SPOP: variants seen among roughly 807,000 people sequenced by gnomAD.
SPOP encodes the protein speckle type BTB/POZ protein, also known as speckle-type POZ protein.
SPOP carries 11 observed loss-of-function variants against 45.6 expected under a neutral mutation model. That is an observed-to-expected ratio of 0.24 (90% CI 0.15 to 0.40). The LOEUF (loss-of-function observed/expected upper bound fraction) is 0.40, where lower values mean the gene tolerates loss of function less well. SPOP is among the 10% of genes least tolerant of loss of function. SPOP has a pLI of 1.00. For missense variants in SPOP, 152 were observed against 465.6 expected (o/e 0.33, Z 6.20); for synonymous variants, 166 against 166.3 (o/e 1.00, Z 0.01).
chr17:49,614,671 A>T (rs1448970130), intron 5 of SPOP, among the ~76,000 whole-genome samples: 1 of 152,126 alleles, frequency 6.6e-6, no homozygotes, highest in Admixed American at 6.5e-5. Flanking sequence ...GTCAAGAACA[A>T]GCAAATATTG....
intron 1 of SPOP, among the ~76,000 whole-genome samples, chr17:49,676,864 TC>T (rs1320172107): frequency 3.9e-5 from 6 of 152,262 alleles, no homozygotes; most frequent in African/African-American, 1.4e-4. Context: ...TATTTACATT[TC>T]TTTTTGTTAT....
At chr17:49,647,480 T>TAA (rs1175240415) in intron 1 of SPOP, among the ~76,000 whole-genome samples, 2 of 152,032 alleles carry the variant, frequency 1.3e-5, no homozygotes, top group Non-Finnish European at 2.9e-5. Flanking sequence ...TTTTTTAAAT[T>TAA]TTTTTATTTC....
chr17:49,642,070 G>A (rs76888881), intron 1 of SPOP, among the ~76,000 whole-genome samples: 9,044 of 151,660 alleles, frequency 0.06, 437 homozygotes, highest in Non-Finnish European at 0.086. Context: ...CAATGCCATT[G>A]AGGGCACAAA....
chr17:49,629,002 G>A (rs1215158287), intron 1 of SPOP, among the ~76,000 whole-genome samples: 2 of 152,126 alleles, frequency 1.3e-5, no homozygotes, highest in Non-Finnish European at 2.9e-5. Context: ...CCAGTACTTT[G>A]GGAGCCCGAG....
intron 1 of SPOP, among the ~76,000 whole-genome samples, chr17:49,676,802 C>T (rs1235609387): frequency 1.3e-5 from 2 of 152,222 alleles, no homozygotes; most frequent in African/African-American, 2.4e-5. Context: ...TAATCGCTAA[C>T]TGAAAACCCA....
chr17:49,643,232 T>C (rs538149337), intron 1 of SPOP, among the ~76,000 whole-genome samples: 201 of 152,126 alleles, frequency 1.3e-3, no homozygotes, highest in Non-Finnish European at 2.5e-3. Flanking sequence ...TAGAGAAGAG[T>C]AACAGTTTTC....
At chr17:49,616,329 A>G (rs2072085676) in intron 5 of SPOP, among the ~76,000 whole-genome samples, 2 of 152,176 alleles carry the variant, frequency 1.3e-5, no homozygotes, top group Admixed American at 1.3e-4. Context: ...TTATTGTATC[A>G]GGATGAGAAT....
intron 1 of SPOP, among the ~76,000 whole-genome samples, chr17:49,643,014 T>A (rs2072687957): frequency 6.6e-6 from 1 of 152,248 alleles, no homozygotes; most frequent in Admixed American, 6.5e-5. Context: ...AGATCTGAGA[T>A]AAAATACACA....
At chr17:49,633,287 T>C (rs1453414135) in intron 1 of SPOP, among the ~76,000 whole-genome samples, 2 of 152,122 alleles carry the variant, frequency 1.3e-5, no homozygotes, top group Non-Finnish European at 2.9e-5. Flanking sequence ...TCTAGATAGA[T>C]CAAGGCAAGC....
chr17:49,655,810 T>A (rs2072901781), intron 1 of SPOP, among the ~76,000 whole-genome samples: 1 of 152,176 alleles, frequency 6.6e-6, no homozygotes, highest in Non-Finnish European at 1.5e-5. Flanking sequence ...AATTTTCGAA[T>A]GAAAAAAATT....
In SPOP at chr17:49,609,435, G is replaced by A. The variant is rs558796603; in HGVS notation, c.659-1506C>T. Among the ~76,000 whole-genome samples, 9 of 152,264 alleles carry A rather than the reference G, an allele frequency of 5.9e-5. No individual in the cohort carries two copies. In the South Asian group the frequency reaches 8.3e-4, roughly 14 times the overall value. On this transcript the variant is annotated intron_variant, in intron 6 of 9. Transcript: ENST00000504102. ...AAGCAGCCAGGTCTTGAGGGTCCTC[G>A]GTAAATAGGCAGCAGCTGATGCAAC...
chr17:49,602,281 G>A, intron 8 of SPOP: 1 of 296,132 alleles, frequency 3.4e-6, no homozygotes, highest in South Asian at 6.2e-5. Flanking sequence ...GGGTAGATCT[G>A]CATCCTGAAG....
In SPOP at chr17:49,622,788, G is replaced by A; in HGVS notation, c.23C>T (p.Pro8Leu). The A allele has an allele frequency of 6.2e-7, 1 of 1,614,126 alleles. No homozygotes were observed. The highest frequency in any genetic ancestry group is 8.5e-7 in the Non-Finnish European group (1 of 1,179,998). The change falls in exon 2 of 10, where the codon CCA (proline) becomes CTA (leucine). Residue 8 changes from proline (P) to leucine (L), a missense_variant. Physicochemically the swap from Pro to Leu is moderately conservative, Grantham distance 98. This residue lies in a region of SPOP where 18 missense variants were observed against 33.6 expected (regional missense o/e 0.54). Coordinates refer to ENST00000504102, the MANE Select transcript of SPOP (RefSeq NM_001007228.2). ...GCCACTCGACATTTCTGCCGGAGGTGGAGGACTTGGAACCCTTGACATCGC... is the reference window on the plus strand; with the variant it reads ...GCCACTCGACATTTCTGCCGGAGGTAGAGGACTTGGAACCCTTGACATCGC... MSRVPSP[P>L]PPAEMSSGPV...
intron 1 of SPOP, among the ~76,000 whole-genome samples, chr17:49,661,618 C>T (rs1423236214): frequency 6.6e-6 from 1 of 152,184 alleles, no homozygotes; most frequent in East Asian, 1.9e-4. Flanking sequence ...TTGGAACATA[C>T]CCCTCCCTGT....
At chr17:49,671,967 C>T (rs2073141423) in intron 1 of SPOP, among the ~76,000 whole-genome samples, 1 of 152,066 alleles carries the variant, frequency 6.6e-6, no homozygotes, top group Non-Finnish European at 1.5e-5. Flanking sequence ...GGTGAAACCC[C>T]ATCTCTACTA....
At chr17:49,662,027 A>C (rs1490186096) in intron 1 of SPOP, among the ~76,000 whole-genome samples, 1 of 151,874 alleles carries the variant, frequency 6.6e-6, no homozygotes, top group East Asian at 1.9e-4. Context: ...AAAAAAAAAA[A>C]AAAAAAAAAT....
chr17:49,603,347 G>A (rs2071775304), intron 8 of SPOP, among the ~76,000 whole-genome samples: 1 of 152,206 alleles, frequency 6.6e-6, no homozygotes, highest in Admixed American at 6.5e-5. Flanking sequence ...CTGCCCAGAC[G>A]ATTCCTCTTA....
chr17:49,626,091 T>A (rs1487399200), intron 1 of SPOP, among the ~76,000 whole-genome samples: 1 of 152,172 alleles, frequency 6.6e-6, no homozygotes, highest in South Asian at 2.1e-4. Context: ...AGAAATTTCC[T>A]GAACACCTAG....
At chr17:49,672,107 T>G (rs2073143576) in intron 1 of SPOP, among the ~76,000 whole-genome samples, 1 of 152,094 alleles carries the variant, frequency 6.6e-6, no homozygotes, top group East Asian at 1.9e-4. Context: ...TCCACTGCAC[T>G]CCAGCCTGGG....
Sources: gnomAD v4.1 joint callset for allele counts (sites outside exome capture counted in the v4.1 genomes callset) on GRCh38, gnomAD v4.1.1 for gene constraint, gnomAD v4.1.1 regional missense constraint, MANE v1.5 for transcripts, NCBI Gene and HGNC (gene_info 2026-07-23, HGNC 2026-07-21) for gene names.